C4orf51: variants seen among roughly 807,000 people sequenced by gnomAD.
C4orf51 encodes the protein chromosome 4 open reading frame 51, also known as uncharacterized protein C4orf51.
A neutral mutation model predicts 25.2 loss-of-function variants in C4orf51; 25 were observed. The ratio of observed to expected loss-of-function variants is 0.99; its 90% CI spans 0.72 to 1.39. The LOEUF is 1.39. Ranked by LOEUF, C4orf51 falls within the 40% of genes most tolerant of loss-of-function variation. The probability of loss-of-function intolerance (pLI) is 0.00; values close to 1 mark genes in which losing one functional copy is unlikely to be tolerated. For synonymous variants in C4orf51, 100 were observed against 84.5 expected (o/e 1.18, Z -1.01); for missense variants, 252 against 239.6 (o/e 1.05, Z -0.34).
chr4:145,700,405 CCTT>C (rs1215181173), intron 2 of C4orf51, among the ~76,000 whole-genome samples: 12 of 152,192 alleles, frequency 7.9e-5, no homozygotes, highest in African/African-American at 2.9e-4. Context: ...CTCCATTCCT[CCTT>C]CTTCTCCCTT....
At position 145,768,905 on chromosome 4, in the gene C4orf51, AT is replaced by A. The variant is rs1560894618; in HGVS notation, n.167-2082del. On this transcript the variant is annotated intron_variant and non_coding_transcript_variant, in intron 1 of 1. Coordinates refer to the C4orf51 transcript ENST00000510096. ...AAAAAAAAAAAATATATATATATATATATATATATATTAGGTATACAAAGTT... is the reference window on the plus strand; with the variant it reads ...AAAAAAAAAAAATATATATATATATAATATATATATTAGGTATACAAAGTT... 8.7e-4 allele frequency among the ~76,000 whole-genome samples: 30 copies of A among 34,502 alleles called. 5 individuals are homozygous for A. Among genetic ancestry groups the A allele is most frequent in the East Asian group, 3.2e-3 (3 of 930 alleles). 22.6% of individuals were successfully genotyped at this position (34,502 alleles called of 152,430 possible). A position where few individuals can be genotyped will look rare whatever the true frequency, so the allele number is the denominator to read the frequency against.
rs1579001655 is a variant in C4orf51 at position 145,729,219 on chromosome 4, T to C, written c.417T>C (p.Tyr139=). ...FGDCFPTPPN[Y]GKYCVRPKKP... ...ATTGTTTTCCGACACCTCCAAATTA[T>C]GGAAAATACTGTAAGTCCCATCCTG... Residue 139 remains tyrosine (Y), a synonymous_variant, in exon 4 of 6, where the codon TAT becomes TAC. Transcript: ENST00000438731. 6.2e-7 allele frequency: 1 copy of C among 1,604,926 alleles called. No individual in the cohort carries two copies. The highest frequency in any genetic ancestry group is 8.5e-7 in the Non-Finnish European group (1 of 1,173,146).
the C4orf51 span, among the ~76,000 whole-genome samples, chr4:145,785,731 C>T: frequency 4.6e-5 from 7 of 152,182 alleles, no homozygotes; most frequent in African/African-American, 1.4e-4. Context: ...TCTGGGAGAG[C>T]AGAGACAGAC....
At chr4:145,728,688 G>T (rs1313393391) in intron 3 of C4orf51, among the ~76,000 whole-genome samples, 2 of 152,160 alleles carry the variant, frequency 1.3e-5, no homozygotes, top group African/African-American at 2.4e-5. Flanking sequence ...CTAGAATGGA[G>T]CTTAATTAAT....
chr4:145,740,833 G>T (rs4406037), intron 1 of C4orf51, among the ~76,000 whole-genome samples: 74,200 of 152,114 alleles, frequency 0.49, 19,702 homozygotes, highest in Non-Finnish European at 0.61. Context: ...TGTGATTCTG[G>T]CATGAACTAA....
chr4:145,715,099 T>C (rs1731334405), intron 2 of C4orf51, among the ~76,000 whole-genome samples: 2 of 152,172 alleles, frequency 1.3e-5, no homozygotes, highest in South Asian at 2.1e-4. Flanking sequence ...GGGACACATA[T>C]GGAGAACAGG....
At chr4:145,727,891 AT>A (rs1427484505) in intron 3 of C4orf51, among the ~76,000 whole-genome samples, 2 of 53,358 alleles carry the variant, frequency 3.7e-5, no homozygotes, top group African/African-American at 2.0e-4. Context: ...TACAAAAAAA[AT>A]GTGTATATAT....
intron 2 of C4orf51, among the ~76,000 whole-genome samples, chr4:145,704,474 T>C (rs1188822324): frequency 6.6e-6 from 1 of 152,250 alleles, no homozygotes; most frequent in Non-Finnish European, 1.5e-5. Context: ...TTTAATTTCC[T>C]TCACTATTCT....
intron 1 of C4orf51, among the ~76,000 whole-genome samples, chr4:145,683,212 A>G (rs1728940441): frequency 3.9e-5 from 6 of 152,156 alleles, no homozygotes; most frequent in Admixed American, 3.9e-4. Context: ...TACAAGGTCT[A>G]TATAAGGAAA....
chr4:145,747,352 A>G (rs1287638640), intron 1 of C4orf51, among the ~76,000 whole-genome samples: 4 of 150,328 alleles, frequency 2.7e-5, no homozygotes, highest in Non-Finnish European at 5.9e-5. Flanking sequence ...GGCTCTAATT[A>G]TGTTGAGGAG....
the C4orf51 span, among the ~76,000 whole-genome samples, chr4:145,783,966 T>A: frequency 6.6e-6 from 1 of 152,192 alleles, no homozygotes. Flanking sequence ...ATGGTCTCTC[T>A]GGTGCTGTTC....
chr4:145,696,484 C>G, intron 1 of C4orf51, 75 bp from the exon 2 acceptor site: 1 of 1,196,468 alleles, frequency 8.4e-7, no homozygotes. Context: ...ATGGAAATCC[C>G]TGTAAGTCCA....
intron 2 of C4orf51, among the ~76,000 whole-genome samples, chr4:145,701,314 C>T (rs988183082): frequency 2.0e-5 from 3 of 152,124 alleles, no homozygotes; most frequent in Non-Finnish European, 2.9e-5. Flanking sequence ...AACTTCCAAA[C>T]GCCTAAACCG....
Position 145,763,146 on chromosome 4 carries a change from T to C in C4orf51, n.167-7842T>C, listed in dbSNP as rs1017945168. ...AGCTACGGCAAAAGAAAAATAATAG[T>C]ATAATCTTATTTGATCTGCATTATG... is the stretch of plus-strand genomic sequence containing the variant. On this transcript the variant is annotated intron_variant and non_coding_transcript_variant, in intron 1 of 1. Coordinates refer to the C4orf51 transcript ENST00000510096. The surrounding 1 kb of genome is among the most constrained non-coding windows in gnomAD (Gnocchi z 4.6). 6.5e-6 allele frequency: 10 copies of C among 1,535,708 alleles called. No homozygotes were observed. The highest frequency in any genetic ancestry group is 8.7e-6 in the Non-Finnish European group (10 of 1,146,666).
rs556205400 is a variant in C4orf51, at chr4:145,744,953, G to A, written n.168-9254G>A. Reference sequence around the variant, plus strand: ...ATTTATTTAATTGTAGAAAAGGTGAGCAAGGAGGTATTCATTCTGATTAAT... The same window carrying A: ...ATTTATTTAATTGTAGAAAAGGTGAACAAGGAGGTATTCATTCTGATTAAT... On this transcript the variant is annotated intron_variant and non_coding_transcript_variant, in intron 1 of 1. Coordinates refer to the C4orf51 transcript ENST00000508981. 5.4e-4 allele frequency among the ~76,000 whole-genome samples: 82 copies of A among 152,124 alleles called. 2 individuals carry two copies. In the South Asian group the frequency reaches 0.017, roughly 31 times the overall value.
In C4orf51 at chr4:145,765,821, T is replaced by G; in HGVS notation, n.167-5167T>G. On this transcript the variant is annotated intron_variant and non_coding_transcript_variant, in intron 1 of 1. Transcript: ENST00000510096. The surrounding 1 kb of genome is among the most constrained non-coding windows in gnomAD (Gnocchi z 4.7). Reference sequence around the variant, plus strand: ...GCAACTGAGGGTGACGAGTTGAGTCTCATGGATGCATCATCATTCTGGGGG... The same window carrying G: ...GCAACTGAGGGTGACGAGTTGAGTCGCATGGATGCATCATCATTCTGGGGG... 1 of 1,380,862 alleles carries G rather than the reference T, an allele frequency of 7.2e-7. No individual in the cohort carries two copies. The allele number at this position is 1,380,862 out of a possible 1,614,324, so 85.5% of individuals were successfully genotyped here. A position where few individuals can be genotyped will look rare whatever the true frequency, so the allele number is the denominator to read the frequency against.
the C4orf51 span, among the ~76,000 whole-genome samples, chr4:145,785,140 A>G: frequency 6.6e-6 from 1 of 152,208 alleles, no homozygotes; most frequent in Non-Finnish European, 1.5e-5. Context: ...GAAAAGTAGG[A>G]ACACAGTGTA....
chr4:145,775,628 G>A (rs2126946004), downstream of C4orf51, among the ~76,000 whole-genome samples: 1 of 152,286 alleles, frequency 6.6e-6, no homozygotes, highest in Non-Finnish European at 1.5e-5. Flanking sequence ...AGGAGTCTGT[G>A]CAACTGCAGG....
At chr4:145,721,987 T>C (rs1258306985) in intron 2 of C4orf51, among the ~76,000 whole-genome samples, 2 of 152,182 alleles carry the variant, frequency 1.3e-5, no homozygotes, top group African/African-American at 4.8e-5. Flanking sequence ...TTTTCCTTTT[T>C]TTGTGTGTGT....
Sources: allele counts gnomAD v4.1 joint callset (sites outside exome capture counted in the v4.1 genomes callset), GRCh38; gene constraint gnomAD v4.1.1; non-coding constraint Gnocchi (gnomAD v3.1); transcripts MANE v1.5; gene names NCBI Gene and HGNC (gene_info 2026-07-23, HGNC 2026-07-21).